The following RFT1 variants were observed in gnomAD, a reference collection of about 807,000 sequenced individuals.
RFT1 encodes man(5)GlcNAc(2)-PP-dolichol translocation protein RFT1.
A neutral mutation model predicts 62.2 loss-of-function variants in RFT1; 43 were observed. That is an observed-to-expected ratio of 0.69 (90% CI 0.54 to 0.89). RFT1 has a LOEUF of 0.89. RFT1 is among the 40% of genes least tolerant of loss of function. The pLI is 0.00. For synonymous variants in RFT1, 262 were observed against 264.6 expected (o/e 0.99, Z 0.10); for missense variants, 605 against 649.9 (o/e 0.93, Z 0.75).
At chr3:53,129,489 C>G (rs886435061) in intron 1 of RFT1, among the ~76,000 whole-genome samples, 4 of 152,040 alleles carry the variant, frequency 2.6e-5, no homozygotes, top group Admixed American at 2.6e-4. Flanking sequence ...ATGTGCCTCT[C>G]TAAGATAAGG....
the RFT1 span, among the ~76,000 whole-genome samples, chr3:53,076,869 C>T: frequency 6.6e-6 from 1 of 151,854 alleles, no homozygotes; most frequent in African/African-American, 2.4e-5. Flanking sequence ...ATTGCTTGAC[C>T]CCAGGAGTTT....
intron 2 of RFT1, among the ~76,000 whole-genome samples, chr3:53,125,385 AAGAC>A (rs1163956610): frequency 6.6e-6 from 1 of 152,246 alleles, no homozygotes; most frequent in Admixed American, 6.5e-5. Flanking sequence ...CTGAGTCTAA[AAGAC>A]AAAGAAGTCA....
rs781527440 is a variant in RFT1 at position 53,119,990 on chromosome 3, T to G, written c.590A>C (p.Tyr197Ser). ...LFYTTVLVLC[Y>S]VIYFTKLLGS... ...CAGTAACTTTGTGAAATAAATAACA[T>G]AGCAGAGCACCAGAACTGTGGTATA... Residue 197 changes from tyrosine to serine, a missense_variant, in exon 6 of 13, where the codon TAT becomes TCT. Tyr to Ser is a moderately radical substitution (Grantham distance 144). Coordinates refer to ENST00000296292, the MANE Select transcript of RFT1 (RefSeq NM_052859.4). The G allele has an allele frequency of 6.2e-7, 1 of 1,608,828 alleles. No homozygotes were observed. Among genetic ancestry groups the G allele is most frequent in the South Asian group, 1.1e-5 (1 of 89,768 alleles).
intron 6 of RFT1, among the ~76,000 whole-genome samples, chr3:53,116,290 T>A (rs1214847220): frequency 1.0e-5 from 1 of 99,836 alleles, no homozygotes; most frequent in African/African-American, 4.0e-5. Context: ...TCATCTCATT[T>A]CTTTTTTTTT....
chr3:53,111,777 G>T, intron 7 of RFT1, 53 bp downstream of exon 7: 1 of 1,473,976 alleles, frequency 6.8e-7, no homozygotes, highest in Non-Finnish European at 9.5e-7. Context: ...GCAGTCCTAT[G>T]AAATCCCCTT....
intron 11 of RFT1, among the ~76,000 whole-genome samples, chr3:53,094,734 C>A (rs1000914274): frequency 8.6e-5 from 13 of 151,858 alleles, no homozygotes; most frequent in Non-Finnish European, 1.8e-4. Flanking sequence ...TCCCCAACTC[C>A]GAGTAAAATA....
intron 10 of RFT1, chr3:53,103,163 G>T (rs1420283449): frequency 1.0e-6 from 1 of 985,314 alleles, no homozygotes; most frequent in African/African-American, 1.7e-5. Flanking sequence ...CCATTGTAGT[G>T]GAGACTAAAA....
At chr3:53,099,711 G>C (rs898497650) in intron 10 of RFT1, among the ~76,000 whole-genome samples, 1 of 152,222 alleles carries the variant, frequency 6.6e-6, no homozygotes, top group African/African-American at 2.4e-5. Flanking sequence ...GACAGGCTGG[G>C]CACGGTGGCT....
intron 9 of RFT1, among the ~76,000 whole-genome samples, chr3:53,105,422 C>A (rs938906112): frequency 9.6e-5 from 13 of 135,078 alleles, no homozygotes; most frequent in Admixed American, 3.8e-4. Context: ...CCCGCCCCCC[C>A]CCCCAAAAAG....
At chr3:53,073,393 A>G in the RFT1 span, among the ~76,000 whole-genome samples, 11 of 152,302 alleles carry the variant, frequency 7.2e-5, no homozygotes, top group Non-Finnish European at 1.5e-4. Flanking sequence ...GGGGCGGGGA[A>G]ACGGGGAGGA....
downstream of RFT1, among the ~76,000 whole-genome samples, chr3:53,086,017 T>C (rs1700845971): frequency 2.0e-5 from 3 of 152,226 alleles, no homozygotes; most frequent in African/African-American, 4.8e-5. Flanking sequence ...GCCAAGGTAA[T>C]TGGGGACTGA....
intron 8 of RFT1, among the ~76,000 whole-genome samples, chr3:53,106,277 T>C (rs546299217): frequency 6.6e-6 from 1 of 151,984 alleles, no homozygotes; most frequent in East Asian, 1.9e-4. Flanking sequence ...TAGGAAGTAA[T>C]AGAGGGATCC....
At chr3:53,116,371 G>GTAGCCTCAGTCTCCAGGGCTCAA (rs1701795074) in intron 6 of RFT1, among the ~76,000 whole-genome samples, 1 of 146,316 alleles carries the variant, frequency 6.8e-6, no homozygotes, top group Non-Finnish European at 1.5e-5. Flanking sequence ...ACAGCTTACT[G>GTAGCCTCAGTCTCCAGGGCTCAA]TAGCCTCAGT....
intron 6 of RFT1, among the ~76,000 whole-genome samples, chr3:53,113,476 C>G (rs1701707724): frequency 1.3e-5 from 2 of 152,202 alleles, no homozygotes; most frequent in Non-Finnish European, 2.9e-5. Context: ...AGCCACAGCT[C>G]TGGAAGTGGG....
chr3:53,120,575 C>T (rs971232204), intron 5 of RFT1, among the ~76,000 whole-genome samples: 1 of 152,220 alleles, frequency 6.6e-6, no homozygotes, highest in Non-Finnish European at 1.5e-5. Flanking sequence ...GGGCCCACCC[C>T]TCCCTCCACC....
At chr3:53,072,687 T>C in the RFT1 span, among the ~76,000 whole-genome samples, 1 of 152,186 alleles carries the variant, frequency 6.6e-6, no homozygotes, top group African/African-American at 2.4e-5. Flanking sequence ...AGGTCTAGGG[T>C]CCAGTGGACT....
chr3:53,116,043 G>A (rs1047808790), intron 6 of RFT1, among the ~76,000 whole-genome samples: 26 of 152,086 alleles, frequency 1.7e-4, no homozygotes, highest in African/African-American at 5.8e-4. Context: ...GAATATAAAC[G>A]GAAGCCATTA....
At chr3:53,087,964 G>C (rs151312558), downstream of RFT1, among the ~76,000 whole-genome samples, 167 of 152,260 alleles carry the variant, frequency 1.1e-3, 1 homozygote, top group African/African-American at 3.9e-3. Context: ...TCTAATTCTG[G>C]AAATAACAGT....
rs1371684198 is a variant in RFT1 at position 53,118,754 on chromosome 3, T to C, written c.696+1130A>G. ...CATCACGTGTGCAGCTCTGGTGGCA[T>C]GGGCAGCAGCACTGACCCCAGAAGA... is the stretch of plus-strand genomic sequence containing the variant. On this transcript the variant is annotated intron_variant, in intron 6 of 12. Transcript: ENST00000296292. 6.6e-5 allele frequency among the ~76,000 whole-genome samples: 10 copies of C among 152,226 alleles called. No homozygotes were observed. In the East Asian group the frequency reaches 1.4e-3, roughly 21 times the overall value.
Sources: gnomAD v4.1 joint callset for allele counts (sites outside exome capture counted in the v4.1 genomes callset) on GRCh38, gnomAD v4.1.1 for gene constraint, MANE v1.5 for transcripts, NCBI Gene and HGNC (gene_info 2026-07-23, HGNC 2026-07-21) for gene names.